ZC3H6: variants seen among roughly 807,000 people sequenced by gnomAD.
ZC3H6 encodes the protein zinc finger CCCH domain-containing protein 6.
A neutral mutation model predicts 107.7 loss-of-function variants in ZC3H6; 40 were observed. The observed-to-expected ratio is 0.37, with a 90% confidence interval of 0.29 to 0.48. ZC3H6 has a LOEUF of 0.48. ZC3H6 is among the 20% of genes least tolerant of loss of function. The pLI is 0.98. For missense variants in ZC3H6, 1,267 were observed against 1,410.4 expected (o/e 0.90, Z 1.63); for synonymous variants, 493 against 487.9 (o/e 1.01, Z -0.14).
intron 1 of ZC3H6, among the ~76,000 whole-genome samples, chr2:112,289,493 T>G (rs1676058651): frequency 6.6e-6 from 1 of 150,646 alleles, no homozygotes; most frequent in Non-Finnish European, 1.5e-5. Context: ...CCCAGCTGAT[T>G]TATTGTATTT....
intron 11 of ZC3H6, among the ~76,000 whole-genome samples, chr2:112,327,972 C>T (rs903334926): frequency 2.0e-5 from 3 of 152,066 alleles, no homozygotes; most frequent in Non-Finnish European, 4.4e-5. Context: ...TCACCACAAC[C>T]TCTGCCTCCT....
At chr2:112,306,656 A>T (rs1676482989) in intron 3 of ZC3H6, among the ~76,000 whole-genome samples, 1 of 152,072 alleles carries the variant, frequency 6.6e-6, no homozygotes, top group African/African-American at 2.4e-5. Context: ...CTTCTGCCAG[A>T]TTTCTGGTGA....
At chr2:112,324,914 G>A in intron 10 of ZC3H6, 50 bp from the exon 11 acceptor site, 5 of 1,494,090 alleles carry the variant, frequency 3.3e-6, no homozygotes, top group Non-Finnish European at 4.6e-6. Flanking sequence ...TATGACTGGT[G>A]AAGTTTTGTG....
chr2:112,279,536 A>G lies in ZC3H6; in HGVS notation c.32+3510A>G, dbSNP rs555047078. On this transcript the variant is annotated intron_variant, in intron 1 of 11. Transcript: ENST00000409871. ...AATACTCCCCTTTGGGAGGAGGTTTATAATACATAAACAACCTCCCCACCC... is the reference window on the plus strand; with the variant it reads ...AATACTCCCCTTTGGGAGGAGGTTTGTAATACATAAACAACCTCCCCACCC... Among the ~76,000 whole-genome samples, 56 of 152,274 alleles carry G rather than the reference A, an allele frequency of 3.7e-4. No homozygotes were observed. In the South Asian group the frequency reaches 0.011, roughly 30 times the overall value.
Position 112,334,382 on chromosome 2 carries a change from C to T in ZC3H6, c.*1894C>T, listed in dbSNP as rs1677102567. 1.3e-5 allele frequency: 2 copies of T among 151,966 alleles called. No individual in the cohort carries two copies. The highest frequency in any genetic ancestry group is 6.6e-5 in the Admixed American group (1 of 15,252). 9.4% of individuals were successfully genotyped at this position (151,966 alleles called of 1,614,324 possible). A position where few individuals can be genotyped will look rare whatever the true frequency, so the allele number is the denominator to read the frequency against. ...TGTAGTTTATAATTATTGTGTCAAGCAGTGCTGTTTACATTTTAAGCATCA... is the reference window on the plus strand; with the variant it reads ...TGTAGTTTATAATTATTGTGTCAAGTAGTGCTGTTTACATTTTAAGCATCA... On this transcript the variant is annotated 3_prime_UTR_variant, in exon 12 of 12. Coordinates refer to ENST00000409871, the MANE Select transcript of ZC3H6 (RefSeq NM_198581.3).
In ZC3H6 at chr2:112,339,187, C is replaced by A. The variant is rs1394067541; in HGVS notation, c.*6699C>A. On this transcript the variant is annotated 3_prime_UTR_variant, in exon 12 of 12. Coordinates refer to ENST00000409871, the MANE Select transcript of ZC3H6 (RefSeq NM_198581.3). ...GGCCTTACAGGCATGAGCCACCACA[C>A]CTGGCCTAGACTATACCTTTTATAC... 1 of 152,032 alleles carries A rather than the reference C, an allele frequency of 6.6e-6. No homozygotes were observed. The highest frequency in any genetic ancestry group is 1.5e-5 in the Non-Finnish European group (1 of 67,990). 9.4% of individuals were successfully genotyped at this position (152,032 alleles called of 1,614,324 possible). A position where few individuals can be genotyped will look rare whatever the true frequency, so the allele number is the denominator to read the frequency against.
At chr2:112,290,147 A>G (rs575566171) in intron 1 of ZC3H6, among the ~76,000 whole-genome samples, 4 of 152,382 alleles carry the variant, frequency 2.6e-5, no homozygotes, top group South Asian at 2.1e-4. Flanking sequence ...TATAACTCCA[A>G]ATCCCATACT....
At chr2:112,298,108 T>C (rs1202903079) in intron 1 of ZC3H6, among the ~76,000 whole-genome samples, 1 of 152,152 alleles carries the variant, frequency 6.6e-6, no homozygotes, top group East Asian at 1.9e-4. Context: ...AGTGAGACCC[T>C]GTCTCAAAAA....
chr2:112,279,361 A>G (rs1196317349), intron 1 of ZC3H6, among the ~76,000 whole-genome samples: 1 of 152,260 alleles, frequency 6.6e-6, no homozygotes, highest in Non-Finnish European at 1.5e-5. Context: ...AGATAAATAT[A>G]ACCCAAGTAA....
At chr2:112,281,439 G>A (rs1686525996) in intron 1 of ZC3H6, among the ~76,000 whole-genome samples, 1 of 152,138 alleles carries the variant, frequency 6.6e-6, no homozygotes. Context: ...GAGTAGTATG[G>A]TAAATGAGGT....
At chr2:112,291,355 T>C (rs562831461) in intron 1 of ZC3H6, among the ~76,000 whole-genome samples, 4 of 152,296 alleles carry the variant, frequency 2.6e-5, no homozygotes, top group East Asian at 1.9e-4. Flanking sequence ...TGCCTCAGCC[T>C]CCTGAGTAGC....
intron 1 of ZC3H6, among the ~76,000 whole-genome samples, chr2:112,282,449 C>T (rs1162179895): frequency 1.3e-5 from 2 of 152,208 alleles, no homozygotes; most frequent in Non-Finnish European, 2.9e-5. Flanking sequence ...GTGACAGGTA[C>T]TGTTTTAAGT....
intron 5 of ZC3H6, among the ~76,000 whole-genome samples, 199 bp from the exon 6 acceptor site, chr2:112,316,271 C>CT (rs11458623): frequency 0.51 from 77,281 of 151,618 alleles, 21,859 homozygotes; most frequent in East Asian, 0.77. Context: ...AAGAAATAGG[C>CT]TTTTTTTTGC....
chr2:112,324,909 C>T, intron 10 of ZC3H6, 55 bp from the exon 11 acceptor site: 1 of 1,460,638 alleles, frequency 6.8e-7, no homozygotes, highest in East Asian at 2.5e-5. Context: ...TTTCTTATGA[C>T]TGGTGAAGTT....
At chr2:112,309,839 A>G (rs1001415173) in intron 3 of ZC3H6, 46 bp from the exon 4 acceptor site, 12 of 1,524,078 alleles carry the variant, frequency 7.9e-6, no homozygotes, top group African/African-American at 2.8e-5. Context: ...GTCAATTGCT[A>G]TATATAATTG....
Position 112,316,532 on chromosome 2 carries a change from G to A in ZC3H6, c.810G>A (p.Val270=). 4 of 1,610,240 alleles carry A rather than the reference G, an allele frequency of 2.5e-6. No individual in the cohort carries two copies. Among genetic ancestry groups the A allele is most frequent in the Non-Finnish European group, 3.4e-6 (4 of 1,178,488 alleles). ...AGGAATTTATTAATCAGCACACAGT[G>A]GAACACAAAGGAAAACAAATCTGTA... ...MTQEFINQHT[V]EHKGKQICKY... Residue 270 remains valine (V), a synonymous_variant, in exon 6 of 12, where the codon GTG becomes GTA. Coordinates refer to ENST00000409871, the MANE Select transcript of ZC3H6 (RefSeq NM_198581.3).
chr2:112,277,898 C>G (rs1686456267), intron 1 of ZC3H6, among the ~76,000 whole-genome samples: 3 of 152,064 alleles, frequency 2.0e-5, no homozygotes, highest in African/African-American at 7.3e-5. Flanking sequence ...GGTTCTAAAC[C>G]TTCCCTGGGG....
In ZC3H6 at chr2:112,340,011, T is replaced by C. The variant is rs1175167645; in HGVS notation, c.*7523T>C. The C allele has an allele frequency of 1.3e-5, 2 of 152,258 alleles. No homozygotes were observed. Among genetic ancestry groups the C allele is most frequent in the Admixed American group, 1.3e-4 (2 of 15,282 alleles). The allele number at this position is 152,258 out of a possible 1,614,324, so 9.4% of individuals were successfully genotyped here. A position where few individuals can be genotyped will look rare whatever the true frequency, so the allele number is the denominator to read the frequency against. On this transcript the variant is annotated 3_prime_UTR_variant, in exon 12 of 12. Coordinates refer to ENST00000409871, the MANE Select transcript of ZC3H6 (RefSeq NM_198581.3). ...TTGTTGCAAGTTTCTGTAATTTTTT[T>C]CTGTATACCTTTCTATTGTCTGAAT...
At position 112,333,983 on chromosome 2, in the gene ZC3H6, G is replaced by C. The variant is rs1289906771; in HGVS notation, c.*1495G>C. 1.3e-5 allele frequency: 2 copies of C among 152,010 alleles called. No homozygotes were observed. The highest frequency in any genetic ancestry group is 2.4e-5 in the African/African-American group (1 of 41,392). 9.4% of individuals were successfully genotyped at this position (152,010 alleles called of 1,614,324 possible). On this transcript the variant is annotated 3_prime_UTR_variant, in exon 12 of 12. Coordinates refer to ENST00000409871, the MANE Select transcript of ZC3H6 (RefSeq NM_198581.3). ...TCAATTCTTTTTGCTGCAGTTCTGT[G>C]CTAAAATGGGGTTGTGGTTAAGTGA...
Sources: allele counts gnomAD v4.1 joint callset (sites outside exome capture counted in the v4.1 genomes callset), GRCh38; gene constraint gnomAD v4.1.1; transcripts MANE v1.5; gene names NCBI Gene and HGNC (gene_info 2026-07-23, HGNC 2026-07-21).